MYO1B: variants seen among roughly 807,000 people sequenced by gnomAD.
MYO1B encodes myosin IB.
Under a neutral mutation model 159.7 loss-of-function variants are expected in MYO1B, and 72 were observed. That is an observed-to-expected ratio of 0.45 (90% CI 0.37 to 0.55). MYO1B has a LOEUF of 0.55. Ranked by LOEUF, MYO1B falls within the 20% of genes least tolerant of loss-of-function variation. The probability of loss-of-function intolerance (pLI) is 0.00; values close to 1 mark genes in which losing one functional copy is unlikely to be tolerated. For synonymous variants in MYO1B, 468 were observed against 473.8 expected (o/e 0.99, Z 0.16); for missense variants, 1,062 against 1,364.8 (o/e 0.78, Z 3.50).
intron 3 of MYO1B, among the ~76,000 whole-genome samples, chr2:191,314,511 G>A (rs1281689222): frequency 6.6e-6 from 1 of 152,182 alleles, no homozygotes; most frequent in South Asian, 2.1e-4. Context: ...AAAATTAGAT[G>A]TTGGTCTCTT....
At chr2:191,265,646 G>A (rs556749259) in intron 1 of MYO1B, among the ~76,000 whole-genome samples, 7 of 152,200 alleles carry the variant, frequency 4.6e-5, no homozygotes, top group East Asian at 1.9e-4. Flanking sequence ...TAGGGGTTCC[G>A]GGGTCTCAGG....
At chr2:191,391,458 T>C (rs563005944) in intron 18 of MYO1B, among the ~76,000 whole-genome samples, 1 of 152,364 alleles carries the variant, frequency 6.6e-6, no homozygotes, top group South Asian at 2.1e-4. Flanking sequence ...ATTTGGGTAC[T>C]GTTTCAGTTC....
chr2:191,309,763 A>G (rs1216322978), intron 3 of MYO1B, among the ~76,000 whole-genome samples: 4 of 152,112 alleles, frequency 2.6e-5, no homozygotes, highest in Admixed American at 6.5e-5. Context: ...TCCTTCCCCA[A>G]TCACCTGTTA....
At chr2:191,320,125 TTAG>T (rs1443018291) in intron 3 of MYO1B, among the ~76,000 whole-genome samples, 6 of 152,202 alleles carry the variant, frequency 3.9e-5, no homozygotes, top group African/African-American at 1.4e-4. Flanking sequence ...TTTTCTGGTC[TTAG>T]TATTCCTCTC....
At chr2:191,417,288 T>A (rs1242848922) in intron 30 of MYO1B, among the ~76,000 whole-genome samples, 1 of 152,220 alleles carries the variant, frequency 6.6e-6, no homozygotes, top group African/African-American at 2.4e-5. Flanking sequence ...TTGGGCTTCA[T>A]GTATACTCTA....
At chr2:191,280,453 T>C (rs1252138591) in intron 2 of MYO1B, among the ~76,000 whole-genome samples, 2 of 152,348 alleles carry the variant, frequency 1.3e-5, no homozygotes, top group East Asian at 1.9e-4. Context: ...TGAGGCTTCA[T>C]AGTAGCAAAC....
intron 13 of MYO1B, among the ~76,000 whole-genome samples, chr2:191,371,753 G>C (rs1694378542): frequency 6.6e-6 from 1 of 152,178 alleles, no homozygotes; most frequent in Non-Finnish European, 1.5e-5. Flanking sequence ...TGACTCCCCT[G>C]TTTCTCCACC....
chr2:191,297,828 AT>A (rs1689076364), intron 3 of MYO1B, among the ~76,000 whole-genome samples: 1 of 152,108 alleles, frequency 6.6e-6, no homozygotes, highest in African/African-American at 2.4e-5. Flanking sequence ...GACATTTTTG[AT>A]TGTGAAACTG....
chr2:191,276,254 C>T (rs11883810), intron 1 of MYO1B, among the ~76,000 whole-genome samples: 5,976 of 152,198 alleles, frequency 0.039, 397 homozygotes, highest in African/African-American at 0.14. Context: ...ATGAAATTTC[C>T]TCCCATAGAT....
intron 6 of MYO1B, among the ~76,000 whole-genome samples, chr2:191,347,834 A>G (rs1692665012): frequency 6.6e-6 from 1 of 152,184 alleles, no homozygotes. Flanking sequence ...TGGTTTATGT[A>G]CTTGTACTCC....
At chr2:191,356,341 T>C (rs1344718537) in intron 7 of MYO1B, among the ~76,000 whole-genome samples, 1 of 149,810 alleles carries the variant, frequency 6.7e-6, no homozygotes, top group Non-Finnish European at 1.5e-5. Context: ...GGGCTTCTTT[T>C]TTTTTTTTTT....
chr2:191,286,029 G>A (rs563558391), intron 2 of MYO1B, among the ~76,000 whole-genome samples: 1 of 152,256 alleles, frequency 6.6e-6, no homozygotes, highest in South Asian at 2.1e-4. Flanking sequence ...ATGAAACTCT[G>A]CTTCTGCCAC....
At chr2:191,393,505 C>A (rs1352104890) in intron 20 of MYO1B, among the ~76,000 whole-genome samples, 1 of 152,162 alleles carries the variant, frequency 6.6e-6, no homozygotes. Flanking sequence ...TTTCACTGAT[C>A]TAGCTGTATT....
chr2:191,307,163 A>G (rs1040938770), intron 3 of MYO1B, among the ~76,000 whole-genome samples: 3 of 152,048 alleles, frequency 2.0e-5, no homozygotes, highest in African/African-American at 7.2e-5. Flanking sequence ...TATATGCTAA[A>G]CAAGGTGTGG....
chr2:191,257,223 C>A (rs1028188982), intron 1 of MYO1B, among the ~76,000 whole-genome samples: 19 of 152,062 alleles, frequency 1.2e-4, no homozygotes, highest in Non-Finnish European at 2.1e-4. Flanking sequence ...TACTTACTTA[C>A]ACCTAAATTA....
At chr2:191,382,082 T>C (rs990566720) in intron 14 of MYO1B, among the ~76,000 whole-genome samples, 2 of 152,180 alleles carry the variant, frequency 1.3e-5, no homozygotes, top group Admixed American at 1.3e-4. Context: ...AGTCTTTTCA[T>C]CATTAATTTA....
chr2:191,347,514 T>C (rs1248817266), intron 6 of MYO1B, among the ~76,000 whole-genome samples: 1 of 152,224 alleles, frequency 6.6e-6, no homozygotes, highest in East Asian at 1.9e-4. Flanking sequence ...TATTTGCAAA[T>C]ATATTTAGTC....
chr2:191,335,377 A>G (rs1691763417), intron 4 of MYO1B, among the ~76,000 whole-genome samples: 1 of 152,176 alleles, frequency 6.6e-6, no homozygotes, highest in Non-Finnish European at 1.5e-5. Flanking sequence ...TCTTTAGTCT[A>G]TCAAATTGAG....
chr2:191,297,183 CATGT>C (rs1275900041), intron 3 of MYO1B, among the ~76,000 whole-genome samples: 4 of 152,174 alleles, frequency 2.6e-5, no homozygotes, highest in African/African-American at 9.7e-5. Flanking sequence ...TGGGCCAAGT[CATGT>C]AATGAGTTGA....
Sources: allele counts gnomAD v4.1 joint callset (sites outside exome capture counted in the v4.1 genomes callset), GRCh38; gene constraint gnomAD v4.1.1; transcripts MANE v1.5; gene names NCBI Gene and HGNC (gene_info 2026-07-23, HGNC 2026-07-21).